The following CSMD1 variants were observed in gnomAD, a reference collection of about 807,000 sequenced individuals.
The protein encoded by CSMD1 is CUB and sushi domain-containing protein 1.
In CSMD1, 213 loss-of-function variants were observed where a neutral mutation model predicts 417.5. The observed-to-expected ratio is 0.51, with a 90% CI of 0.46 to 0.57. CSMD1 has a LOEUF of 0.57. CSMD1 is among the 20% of genes least tolerant of loss of function. The probability of loss-of-function intolerance (pLI) is 0.00; values close to 1 mark genes in which losing one functional copy is unlikely to be tolerated. For missense variants in CSMD1, 6,923 were observed against 4,529.7 expected, an observed-to-expected ratio of 1.53 and a Z score of -15.17; for synonymous variants, 2,862 against 1,736.8, an observed-to-expected ratio of 1.65 and a Z score of -16.11.
chr8:4,221,732 G>C (rs929738240), intron 3 of CSMD1, among the ~76,000 whole-genome samples: 3 of 152,192 alleles, frequency 2.0e-5, no homozygotes, highest in Non-Finnish European at 2.9e-5. Context: ...TGCTCAATTA[G>C]ACTATGGGAT....
intron 10 of CSMD1, among the ~76,000 whole-genome samples, chr8:3,526,593 A>G (rs1334879566): frequency 6.6e-6 from 1 of 152,174 alleles, no homozygotes; most frequent in Non-Finnish European, 1.5e-5. Flanking sequence ...TTCTAGGGCA[A>G]TGTGTGATCC....
intron 5 of CSMD1, among the ~76,000 whole-genome samples, chr8:3,776,042 A>G (rs1798869498): frequency 6.6e-6 from 1 of 152,142 alleles, no homozygotes; most frequent in African/African-American, 2.4e-5. Flanking sequence ...CATGTGCTGG[A>G]GCCACCTCAG....
In CSMD1 at chr8:4,906,241, T is replaced by C. The variant is rs368281559; in HGVS notation, c.85+88091A>G. Among the ~76,000 whole-genome samples, 3 of 152,224 alleles carry C rather than the reference T, an allele frequency of 2.0e-5. No individual in the cohort carries two copies. The East Asian group carries it at 5.8e-4, about 29-fold the overall frequency. On this transcript the variant is annotated intron_variant, in intron 1 of 69. Transcript: ENST00000635120. Reference sequence around the variant, plus strand: ...CTATTTGCTGTCTAAATTCTGAAGATGACACTTCCTGAACTCTTTTCCAAG... The same window carrying C: ...CTATTTGCTGTCTAAATTCTGAAGACGACACTTCCTGAACTCTTTTCCAAG...
Position 4,925,215 on chromosome 8 carries a change from G to GTTTTTTTTTTTTT in CSMD1, c.85+69104_85+69116dup, listed in dbSNP as rs10692207. Among the ~76,000 whole-genome samples the GTTTTTTTTTTTTT allele has an allele frequency of 4.5e-4, 33 of 72,738 alleles. 2 individuals carry two copies. The highest frequency in any genetic ancestry group is 1.0e-3 in the East Asian group (2 of 1,988). 47.7% of individuals were successfully genotyped at this position (72,738 alleles called of 152,430 possible). On this transcript the variant is annotated intron_variant, in intron 1 of 69. Transcript: ENST00000635120. ...AAACATGGTGAATACCAGTTTTATGGTTTTTTTTTTTTTTTTTTTTTTTTT... is the reference window on the plus strand; with the variant it reads ...AAACATGGTGAATACCAGTTTTATGGTTTTTTTTTTTTTTTTTTTTTTTTTTTTTTTTTTTTTT...
rs534209390 is a variant in CSMD1, at chr8:3,490,010, G to C, written c.1448+3613C>G. Among the ~76,000 whole-genome samples the C allele has an allele frequency of 3.9e-5, 6 of 152,286 alleles. No homozygotes were observed. The South Asian group carries it at 1.0e-3, about 26-fold the overall frequency. On this transcript the variant is annotated intron_variant, in intron 11 of 69. Coordinates refer to ENST00000635120, the MANE Select transcript of CSMD1 (RefSeq NM_033225.6). ...CTGTCATTTCTCCAATTAGATGATA[G>C]ACTCCATGCTGGGAAGAATGTTTGC...
chr8:3,074,203 C>T (rs575464434), intron 49 of CSMD1, among the ~76,000 whole-genome samples: 1 of 152,338 alleles, frequency 6.6e-6, no homozygotes, highest in Non-Finnish European at 1.5e-5. Context: ...CTTTCTTCAT[C>T]TTCCAAGACA....
chr8:4,773,076 A>T (rs1265134068), intron 1 of CSMD1, among the ~76,000 whole-genome samples: 1 of 152,122 alleles, frequency 6.6e-6, no homozygotes. Context: ...AGTATTTCAG[A>T]TTTCAGATTT....
intron 2 of CSMD1, among the ~76,000 whole-genome samples, chr8:4,420,378 A>C (rs965564435): frequency 2.0e-5 from 3 of 150,046 alleles, no homozygotes; most frequent in Admixed American, 6.6e-5. Flanking sequence ...TTTTTTTTTT[A>C]TTTGAATTTT....
intron 1 of CSMD1, among the ~76,000 whole-genome samples, chr8:4,932,386 C>T (rs1259581770): frequency 6.6e-6 from 1 of 151,568 alleles, no homozygotes; most frequent in East Asian, 1.9e-4. Context: ...AGAATATCTA[C>T]AGACAGAGTT....
At chr8:3,709,067 G>A (rs1563295787) in intron 6 of CSMD1, among the ~76,000 whole-genome samples, 1 of 152,012 alleles carries the variant, frequency 6.6e-6, no homozygotes, top group African/African-American at 2.4e-5. Context: ...AAGGCACAGA[G>A]GTCCTGGCTT....
At chr8:3,236,682 C>A (rs1308917993) in intron 26 of CSMD1, among the ~76,000 whole-genome samples, 2 of 152,204 alleles carry the variant, frequency 1.3e-5, no homozygotes, top group African/African-American at 2.4e-5. Context: ...CATTCCTCTT[C>A]CAGGGCTGTA....
chr8:4,157,986 C>T (rs953360555), intron 3 of CSMD1, among the ~76,000 whole-genome samples: 2 of 152,162 alleles, frequency 1.3e-5, no homozygotes, highest in South Asian at 4.1e-4. Flanking sequence ...CCAACTGTTG[C>T]TAGGACCCTT....
chr8:3,098,764 T>C (rs1815518647), intron 46 of CSMD1, among the ~76,000 whole-genome samples: 1 of 152,122 alleles, frequency 6.6e-6, no homozygotes, highest in Admixed American at 6.5e-5. Context: ...GACCTCAAGT[T>C]TTAGAAGCTC....
At position 3,772,249 on chromosome 8, in the gene CSMD1, A is replaced by ATACATATATTTAGACATACATATG. The variant is rs1242927280; in HGVS notation, c.819-18231_819-18208dup. ...CACACACATATTTATATATAGATAT[A>ATACATATATTTAGACATACATATG]TACATATATTTAGACATACATATGT... On this transcript the variant is annotated intron_variant, in intron 5 of 69. Coordinates refer to ENST00000635120, the MANE Select transcript of CSMD1 (RefSeq NM_033225.6). 4.6e-3 allele frequency among the ~76,000 whole-genome samples: 369 copies of ATACATATATTTAGACATACATATG among 79,928 alleles called. 50 individuals carry two copies. The highest frequency in any genetic ancestry group is 8.9e-3 in the East Asian group (22 of 2,462). The allele number at this position is 79,928 out of a possible 152,430, so 52.4% of individuals were successfully genotyped here. A position where few individuals can be genotyped will look rare whatever the true frequency, so the allele number is the denominator to read the frequency against.
intron 1 of CSMD1, among the ~76,000 whole-genome samples, chr8:4,784,566 C>A (rs1263684378): frequency 6.6e-6 from 1 of 152,204 alleles, no homozygotes; most frequent in Admixed American, 6.5e-5. Context: ...CTACCTGACA[C>A]AATTTGTTTC....
At chr8:4,815,165 G>C (rs939190778) in intron 1 of CSMD1, among the ~76,000 whole-genome samples, 1 of 152,084 alleles carries the variant, frequency 6.6e-6, no homozygotes, top group Non-Finnish European at 1.5e-5. Flanking sequence ...GTGTAATAAT[G>C]AATGTCTCCA....
chr8:4,171,250 G>A (rs1797749021), intron 3 of CSMD1, among the ~76,000 whole-genome samples: 2 of 151,910 alleles, frequency 1.3e-5, no homozygotes, highest in Non-Finnish European at 2.9e-5. Context: ...ACTTGTCCAT[G>A]CAGTTTTCCT....
chr8:3,221,553 C>CAAAT (rs1220141697), intron 28 of CSMD1, among the ~76,000 whole-genome samples: 1 of 151,810 alleles, frequency 6.6e-6, no homozygotes, highest in Non-Finnish European at 1.5e-5. Context: ...AACAAACAAA[C>CAAAT]AAACAAACAC....
At chr8:3,121,225 G>C (rs1255102391) in intron 41 of CSMD1, among the ~76,000 whole-genome samples, 1 of 152,140 alleles carries the variant, frequency 6.6e-6, no homozygotes, top group East Asian at 1.9e-4. Context: ...GTTGACAACA[G>C]CTTCCTGTGG....
Sources: allele counts gnomAD v4.1 joint callset (sites outside exome capture counted in the v4.1 genomes callset), GRCh38; gene constraint gnomAD v4.1.1; transcripts MANE v1.5; gene names NCBI Gene and HGNC (gene_info 2026-07-23, HGNC 2026-07-21).